The following PGM2 variants were observed in gnomAD, a reference collection of about 807,000 sequenced individuals.
PGM2 encodes the protein phosphopentomutase.
A neutral mutation model predicts 74.6 loss-of-function variants in PGM2; 57 were observed. That is an observed-to-expected ratio of 0.76 (90% confidence interval 0.62 to 0.95). PGM2 has a LOEUF of 0.95. Among genes scored for constraint, PGM2 ranks in the 40% least tolerant of loss-of-function variants. The pLI, the probability that PGM2 is intolerant of heterozygous loss-of-function variation, is 0.00. For synonymous variants in PGM2, 273 were observed against 260.7 expected (o/e 1.05, Z -0.46); for missense variants, 706 against 741.9 (o/e 0.95, Z 0.56).
chr4:37,840,447 G>A (rs1263471571), intron 6 of PGM2, among the ~76,000 whole-genome samples, 188 bp downstream of exon 6: 5 of 152,272 alleles, frequency 3.3e-5, no homozygotes, highest in South Asian at 2.1e-4. Context: ...GCAGTGGCAC[G>A]ATTTGGCTCA....
chr4:37,857,938 A>C (rs187912207), intron 13 of PGM2, among the ~76,000 whole-genome samples: 2 of 152,144 alleles, frequency 1.3e-5, no homozygotes, highest in Non-Finnish European at 2.9e-5. Context: ...TCTTATTTCT[A>C]TGTTTCATTC....
chr4:37,842,197 TACTATATATATAAAATATATTTTTTA>T (rs1725748673), intron 6 of PGM2, among the ~76,000 whole-genome samples: 4 of 148,820 alleles, frequency 2.7e-5, no homozygotes, highest in Non-Finnish European at 3.0e-5. Flanking sequence ...TATATGCATA[TACTATATATATAAAATATATTTTTTA>T]GATGTTTTCT....
intron 3 of PGM2, among the ~76,000 whole-genome samples, chr4:37,836,905 A>T (rs1181739054): frequency 2.0e-5 from 3 of 151,568 alleles, no homozygotes; most frequent in Admixed American, 6.6e-5. Context: ...GTACTCCAGG[A>T]TGTCTTTATA....
At chr4:37,842,495 T>C (rs1311105405) in intron 6 of PGM2, among the ~76,000 whole-genome samples, 1 of 151,898 alleles carries the variant, frequency 6.6e-6, no homozygotes, top group African/African-American at 2.4e-5. Context: ...GAAAGCAGAT[T>C]AGATTTTTTT....
intron 12 of PGM2, 55 bp from the exon 13 acceptor site, chr4:37,855,553 T>G: frequency 6.8e-7 from 1 of 1,477,274 alleles, no homozygotes; most frequent in Admixed American, 2.2e-5. Context: ...AGAGAAGATA[T>G]TGGTTAGGCC....
chr4:37,840,070 A>T lies in PGM2; in HGVS notation c.530A>T (p.Tyr177Phe). The T allele has an allele frequency of 1.2e-6, 2 of 1,612,920 alleles. No individual in the cohort carries two copies. Among genetic ancestry groups the T allele is most frequent in the South Asian group, 1.1e-5 (1 of 91,056 alleles). ...ATGTGTTCCTGGGTCCTCTAGGTCTATTGGGATAATGGAGCTCAGATCATT... is the reference window on the plus strand; with the variant it reads ...ATGTGTTCCTGGGTCCTCTAGGTCTTTTGGGATAATGGAGCTCAGATCATT... ...NPKQDNGYKV[Y>F]WDNGAQIISP... The change falls in exon 6 of 14, where the codon TAT (tyrosine) becomes TTT (phenylalanine). Residue 177 changes from tyrosine to phenylalanine, a missense_variant. Coordinates refer to ENST00000381967, the MANE Select transcript of PGM2 (RefSeq NM_018290.4).
chr4:37,848,410 T>G (rs1338998967), intron 10 of PGM2, 112 bp from the exon 11 acceptor site: 2 of 850,512 alleles, frequency 2.4e-6, no homozygotes, highest in Non-Finnish European at 3.6e-6. Flanking sequence ...TAATGAGAAA[T>G]GTGCATACAC....
chr4:37,847,248 T>C lies in PGM2; in HGVS notation c.1235T>C (p.Leu412Pro). 6 of 1,613,960 alleles carry C rather than the reference T, an allele frequency of 3.7e-6. No individual in the cohort carries two copies. The highest frequency in any genetic ancestry group is 5.1e-6 in the Non-Finnish European group (6 of 1,179,830). The stretch of plus-strand genomic sequence containing the variant: ...TGGATGGGAAACAGAGCCAAACAGC[T>C]AATAGACCAGGGGAAAACTGTTTTA... ...FKWMGNRAKQ[L>P]IDQGKTVLFA... The change falls in exon 10 of 14, where the codon CTA becomes CCA. Residue 412 changes from leucine to proline, a missense_variant. This residue lies in a region of PGM2 where 359 missense variants were observed against 371.1 expected (regional missense o/e 0.97). Coordinates refer to ENST00000381967, the MANE Select transcript of PGM2 (RefSeq NM_018290.4).
chr4:37,850,629 G>A (rs1020245887), intron 12 of PGM2, among the ~76,000 whole-genome samples: 3 of 150,780 alleles, frequency 2.0e-5, no homozygotes, highest in Non-Finnish European at 3.0e-5. Flanking sequence ...GGCAAAACCC[G>A]GTCTCTATTA....
intron 11 of PGM2, among the ~76,000 whole-genome samples, chr4:37,849,871 C>G (rs924975741): frequency 6.6e-6 from 1 of 152,126 alleles, no homozygotes; most frequent in Non-Finnish European, 1.5e-5. Context: ...ACTGAATCCT[C>G]CACCTCCTGG....
chr4:37,855,403 T>C (rs889322985), intron 12 of PGM2, among the ~76,000 whole-genome samples: 2 of 152,266 alleles, frequency 1.3e-5, no homozygotes, highest in Non-Finnish European at 2.9e-5. Context: ...CTGAATAGTA[T>C]TCCATATAGT....
At chr4:37,828,990 G>A (rs2152173881) in intron 1 of PGM2, among the ~76,000 whole-genome samples, 2 of 152,312 alleles carry the variant, frequency 1.3e-5, no homozygotes, top group South Asian at 4.1e-4. Context: ...AGGTTTTATT[G>A]CAGTAGTATT....
intron 8 of PGM2, among the ~76,000 whole-genome samples, chr4:37,846,523 C>T (rs1266469816): frequency 1.3e-5 from 2 of 152,166 alleles, no homozygotes; most frequent in Non-Finnish European, 2.9e-5. Context: ...ACTGAGCTGT[C>T]CCCTCTCAGA....
At chr4:37,833,227 G>A (rs115148197) in intron 2 of PGM2, among the ~76,000 whole-genome samples, 133 of 152,254 alleles carry the variant, frequency 8.7e-4, no homozygotes, top group Non-Finnish European at 1.6e-3. Context: ...CTTGGCTCTC[G>A]CAACAAGACT....
chr4:37,828,484 A>G (rs1725354965), intron 1 of PGM2, among the ~76,000 whole-genome samples: 1 of 152,028 alleles, frequency 6.6e-6, no homozygotes, highest in South Asian at 2.1e-4. Flanking sequence ...CCCTCTAGTC[A>G]GACTACCCCC....
In PGM2 at chr4:37,837,623, C is replaced by T. The variant is rs1483240367; in HGVS notation, c.441+10C>T. On this transcript the variant is annotated intron_variant, in intron 4 of 13. Coordinates refer to ENST00000381967, the MANE Select transcript of PGM2 (RefSeq NM_018290.4). Reference sequence around the variant, plus strand: ...GCCAACCCCCTTTGTGGTAAGTAGCCATTTCCTTTCATAATTTCCTGTCAC... The same window carrying T: ...GCCAACCCCCTTTGTGGTAAGTAGCTATTTCCTTTCATAATTTCCTGTCAC... The T allele has an allele frequency of 5.2e-6, 8 of 1,534,758 alleles. No individual in the cohort carries two copies. Among genetic ancestry groups the T allele is most frequent in the Non-Finnish European group, 7.2e-6 (8 of 1,107,586 alleles).
In PGM2 at chr4:37,826,750, C is replaced by G. The variant is rs200647417; in HGVS notation, c.18C>G (p.Gly6=). MAAPE[G]SGLGEDARLD... Reference sequence around the variant, plus strand: ...GCTCAGCGATGGCGGCTCCAGAAGGCAGCGGTCTAGGCGAGGACGCCCGGC... The same window carrying G: ...GCTCAGCGATGGCGGCTCCAGAAGGGAGCGGTCTAGGCGAGGACGCCCGGC... Residue 6 remains glycine, a synonymous_variant, in exon 1 of 14, where the codon GGC becomes GGG. Transcript: ENST00000381967. 1 of 1,550,030 alleles carries G rather than the reference C, an allele frequency of 6.5e-7. No homozygotes were observed. The highest frequency in any genetic ancestry group is 2.4e-5 in the East Asian group (1 of 40,882).
At chr4:37,841,985 A>C (rs777098273) in intron 6 of PGM2, among the ~76,000 whole-genome samples, 1 of 152,214 alleles carries the variant, frequency 6.6e-6, no homozygotes, top group Non-Finnish European at 1.5e-5. Context: ...CCAACAGTAG[A>C]TGTTGACAGC....
intron 6 of PGM2, among the ~76,000 whole-genome samples, chr4:37,840,934 A>AT (rs1375180789): frequency 6.8e-6 from 1 of 147,448 alleles, no homozygotes; most frequent in Non-Finnish European, 1.5e-5. Context: ...ATTCATACAT[A>AT]TTCATACATG....
Sources: gnomAD v4.1 joint callset for allele counts (sites outside exome capture counted in the v4.1 genomes callset) on GRCh38, gnomAD v4.1.1 for gene constraint, gnomAD v4.1.1 regional missense constraint, MANE v1.5 for transcripts, NCBI Gene and HGNC (gene_info 2026-07-23, HGNC 2026-07-21) for gene names.